The following CEP57L1 variants were observed in gnomAD, a reference collection of about 807,000 sequenced individuals.
CEP57L1 encodes centrosomal protein CEP57L1.
CEP57L1 carries 37 observed loss-of-function variants against 61.0 expected under a neutral mutation model. The observed-to-expected ratio is 0.61, with a 90% confidence interval of 0.47 to 0.80. The LOEUF is 0.80. Among genes scored for constraint, CEP57L1 ranks in the 30% least tolerant of loss-of-function variants. The pLI is 0.00. For synonymous variants in CEP57L1, 137 were observed against 162.3 expected (o/e 0.84, Z 1.19); for missense variants, 422 against 524.7 (o/e 0.80, Z 1.91).
intron 1 of CEP57L1, among the ~76,000 whole-genome samples, chr6:109,126,093 A>G (rs1019321705): frequency 6.6e-6 from 1 of 152,166 alleles, no homozygotes; most frequent in South Asian, 2.1e-4. Flanking sequence ...GTTTCAGAGG[A>G]TTTATTTTTA....
chr6:109,098,080 T>G (rs79864371), intron 1 of CEP57L1, among the ~76,000 whole-genome samples: 1 of 152,230 alleles, frequency 6.6e-6, no homozygotes, highest in Admixed American at 6.5e-5. Flanking sequence ...TGGAGAGTTT[T>G]GCGCAGATGA....
intron 1 of CEP57L1, among the ~76,000 whole-genome samples, chr6:109,101,474 A>G (rs1433394222): frequency 6.6e-6 from 1 of 152,164 alleles, no homozygotes; most frequent in African/African-American, 2.4e-5. Flanking sequence ...AGTTTTTATC[A>G]ATTATGAATA....
At chr6:109,138,275 G>A (rs554322411) in intron 1 of CEP57L1, among the ~76,000 whole-genome samples, 1 of 152,146 alleles carries the variant, frequency 6.6e-6, no homozygotes, top group African/African-American at 2.4e-5. Context: ...TATTCTGGTT[G>A]CTGGGTGAAG....
chr6:109,104,706 A>T (rs886649065), intron 1 of CEP57L1, among the ~76,000 whole-genome samples: 5 of 151,940 alleles, frequency 3.3e-5, no homozygotes. Context: ...CCTCTGCCCT[A>T]CAAGTAGCTG....
chr6:109,140,193 A>G (rs929299921), intron 1 of CEP57L1, among the ~76,000 whole-genome samples: 7 of 151,726 alleles, frequency 4.6e-5, no homozygotes, highest in African/African-American at 9.7e-5. Context: ...TCCGGGTTCA[A>G]GCGATTCTCC....
At chr6:109,134,764 C>A (rs1481031753) in intron 1 of CEP57L1, among the ~76,000 whole-genome samples, 1 of 151,980 alleles carries the variant, frequency 6.6e-6, no homozygotes, top group Non-Finnish European at 1.5e-5. Context: ...TCTTATACAC[C>A]AATAACAGAC....
chr6:109,109,755 G>A (rs147173632), intron 1 of CEP57L1, among the ~76,000 whole-genome samples: 6 of 152,190 alleles, frequency 3.9e-5, no homozygotes, highest in African/African-American at 9.6e-5. Flanking sequence ...CGTTCTCATC[G>A]TTCAACTCCC....
In CEP57L1 at chr6:109,155,859, A is replaced by G; in HGVS notation, c.726A>G (p.Glu242=). 6.3e-7 allele frequency: 1 copy of G among 1,578,242 alleles called. No individual in the cohort carries two copies. The highest frequency in any genetic ancestry group is 1.1e-5 in the South Asian group (1 of 88,100). Residue 242 remains glutamate (E), a synonymous_variant, in exon 7 of 11, where the codon GAA becomes GAG. Coordinates refer to ENST00000517392, the MANE Select transcript of CEP57L1 (RefSeq NM_001271852.3). ...TTTCAAATCTAAAGCACTCCAAGGA[A>G]AAGAAGAAATCTTCAAAGGTGTGCA... The part of the protein sequence containing the change: ...SSVSNLKHSK[E]KKKSSKKTKC...
chr6:109,129,656 A>C (rs1773963137), intron 1 of CEP57L1, among the ~76,000 whole-genome samples: 1 of 152,120 alleles, frequency 6.6e-6, no homozygotes, highest in African/African-American at 2.4e-5. Context: ...TATTGGGTAA[A>C]ATTTAAAAAG....
intron 1 of CEP57L1, among the ~76,000 whole-genome samples, chr6:109,119,575 A>G (rs1772709128): frequency 6.6e-6 from 1 of 152,234 alleles, no homozygotes; most frequent in African/African-American, 2.4e-5. Flanking sequence ...AGGTGCCTTT[A>G]GGACATTCAA....
At chr6:109,125,775 G>A (rs1050185132) in intron 1 of CEP57L1, among the ~76,000 whole-genome samples, 2 of 151,458 alleles carry the variant, frequency 1.3e-5, no homozygotes, top group African/African-American at 4.8e-5. Flanking sequence ...CAAAAATAAG[G>A]ATAGTATACT....
intron 1 of CEP57L1, among the ~76,000 whole-genome samples, chr6:109,097,423 T>A (rs1282480594): frequency 4.6e-5 from 7 of 152,208 alleles, no homozygotes; most frequent in Admixed American, 6.5e-5. Context: ...AAAACTCCTT[T>A]ATAAAGCCTG....
At chr6:109,131,906 T>C (rs1246753899) in intron 1 of CEP57L1, among the ~76,000 whole-genome samples, 1 of 152,092 alleles carries the variant, frequency 6.6e-6, no homozygotes, top group East Asian at 1.9e-4. Flanking sequence ...TTGTGAGTTA[T>C]AAGTTTGGAC....
Position 109,112,877 on chromosome 6 carries a change from G to A in CEP57L1, c.-4+17302G>A, listed in dbSNP as rs542554742. The stretch of plus-strand genomic sequence containing the variant: ...TGATTGCACTGTGGTCTGAGAGACT[G>A]TTTGTTATGATTTGTGTTCTTTTGC... On this transcript the variant is annotated intron_variant, in intron 1 of 10. Coordinates refer to ENST00000517392, the MANE Select transcript of CEP57L1 (RefSeq NM_001271852.3). Among the ~76,000 whole-genome samples the A allele has an allele frequency of 5.3e-5, 8 of 152,262 alleles. No homozygotes were observed. The East Asian group carries it at 1.3e-3, about 26-fold the overall frequency.
chr6:109,155,882 G>T lies in CEP57L1; in HGVS notation c.744+5G>T. On this transcript the variant is annotated splice_donor_5th_base_variant and intron_variant, in intron 7 of 10. Transcript: ENST00000517392. ...GAAAAGAAGAAATCTTCAAAGGTGT[G>T]CATATAAAATTTTTTCCCAAACAAA... The T allele has an allele frequency of 6.6e-7, 1 of 1,523,190 alleles. No individual in the cohort carries two copies. The highest frequency in any genetic ancestry group is 9.0e-7 in the Non-Finnish European group (1 of 1,109,686). 94.4% of individuals were successfully genotyped at this position (1,523,190 alleles called of 1,614,324 possible).
intron 10 of CEP57L1, among the ~76,000 whole-genome samples, chr6:109,161,958 C>G (rs1227752424): frequency 6.6e-6 from 1 of 152,016 alleles, no homozygotes; most frequent in African/African-American, 2.4e-5. Flanking sequence ...AGTGAAATAG[C>G]TTAAGTAATG....
chr6:109,104,558 C>T (rs370134894), intron 1 of CEP57L1, among the ~76,000 whole-genome samples: 80 of 152,062 alleles, frequency 5.3e-4, no homozygotes, highest in South Asian at 3.5e-3. Flanking sequence ...TATTGATAGG[C>T]GTGTTTTTTT....
intron 7 of CEP57L1, chr6:109,158,421 G>A (rs575549120): frequency 5.8e-5 from 17 of 292,462 alleles, no homozygotes; most frequent in Admixed American, 3.9e-4. Flanking sequence ...CCTGGGAGAC[G>A]GAGGTTGCGG....
At chr6:109,113,895 TACAGACATTGC>T (rs1188996096) in intron 1 of CEP57L1, among the ~76,000 whole-genome samples, 4 of 152,150 alleles carry the variant, frequency 2.6e-5, no homozygotes, top group Admixed American at 2.6e-4. Context: ...GGCAAATGGG[TACAGACATTGC>T]TAGAATAAAG....
Sources: gnomAD v4.1 joint callset for allele counts (sites outside exome capture counted in the v4.1 genomes callset) on GRCh38, gnomAD v4.1.1 for gene constraint, MANE v1.5 for transcripts, NCBI Gene and HGNC (gene_info 2026-07-23, HGNC 2026-07-21) for gene names.